The following ZMAT4 variants were observed in gnomAD, a reference collection of about 807,000 sequenced individuals.
ZMAT4 encodes zinc finger matrin-type 4.
In ZMAT4, 17 loss-of-function variants were observed where a neutral mutation model predicts 28.7. That is an observed-to-expected ratio of 0.59 (90% CI 0.41 to 0.89). The LOEUF (loss-of-function observed/expected upper bound fraction) is 0.89. ZMAT4 is among the 40% of genes least tolerant of loss of function. ZMAT4 has a pLI of 0.00. For synonymous variants in ZMAT4, 117 were observed against 109.2 expected (o/e 1.07, Z -0.44); for missense variants, 240 against 283.8 (o/e 0.85, Z 1.11).
At chr8:40,770,533 T>C in intron 2 of ZMAT4, among the ~76,000 whole-genome samples, 1 of 138,486 alleles carries the variant, frequency 7.2e-6, no homozygotes, top group African/African-American at 2.6e-5. Context: ...TTCCTCCCTT[T>C]CTTTCTTTCT....
chr8:40,703,891 T>C (rs1159284543), intron 3 of ZMAT4, among the ~76,000 whole-genome samples: 1 of 152,220 alleles, frequency 6.6e-6, no homozygotes, highest in Non-Finnish European at 1.5e-5. Context: ...TGAAACTCTT[T>C]CAGGAAGCGA....
At chr8:40,685,674 C>G (rs1189078569) in intron 4 of ZMAT4, among the ~76,000 whole-genome samples, 5 of 151,972 alleles carry the variant, frequency 3.3e-5, no homozygotes, top group Non-Finnish European at 7.4e-5. Flanking sequence ...ACCTGCTGCT[C>G]CAAGTGTGCA....
At chr8:40,853,153 A>G (rs1817171650) in intron 1 of ZMAT4, among the ~76,000 whole-genome samples, 1 of 152,166 alleles carries the variant, frequency 6.6e-6, no homozygotes, top group Non-Finnish European at 1.5e-5. Context: ...TGTTTTCCCC[A>G]AGACAATCTT....
Position 40,863,049 on chromosome 8 carries a change from C to T in ZMAT4, c.-5+34634G>A, listed in dbSNP as rs927720168. ...TTGGAAGCAGGTGATGCAGCCAGTG[C>T]AAAGAAAAATCCATTCTGGTGAAGC... is the stretch of plus-strand genomic sequence containing the variant. On this transcript the variant is annotated intron_variant, in intron 1 of 6. Transcript: ENST00000297737. 3.3e-5 allele frequency among the ~76,000 whole-genome samples: 5 copies of T among 152,044 alleles called. No homozygotes were observed. In the South Asian group the frequency reaches 8.3e-4, roughly 25 times the overall value.
chr8:40,660,558 C>T (rs980512833), intron 5 of ZMAT4, among the ~76,000 whole-genome samples: 1 of 152,150 alleles, frequency 6.6e-6, no homozygotes, highest in Admixed American at 6.5e-5. Flanking sequence ...ATGAAGAGCT[C>T]TTTCTCTAAG....
At chr8:40,643,022 G>A (rs910024587) in intron 5 of ZMAT4, among the ~76,000 whole-genome samples, 2 of 152,348 alleles carry the variant, frequency 1.3e-5, no homozygotes, top group African/African-American at 4.8e-5. Context: ...AACTGGAGAA[G>A]TTTTGGAATT....
intron 3 of ZMAT4, among the ~76,000 whole-genome samples, chr8:40,698,015 T>C (rs1809972877): frequency 6.6e-6 from 1 of 152,202 alleles, no homozygotes; most frequent in Non-Finnish European, 1.5e-5. Context: ...TTATCATTTG[T>C]TATTCCGCTC....
chr8:40,746,349 T>TCCTTC (rs1812231410), intron 3 of ZMAT4, among the ~76,000 whole-genome samples: 1 of 142,026 alleles, frequency 7.0e-6, no homozygotes, highest in East Asian at 2.0e-4. Flanking sequence ...TCCTTTCCTT[T>TCCTTC]CCTTCCCTTT....
At chr8:40,701,236 T>C (rs1272924258) in intron 3 of ZMAT4, among the ~76,000 whole-genome samples, 1 of 152,142 alleles carries the variant, frequency 6.6e-6, no homozygotes, top group Non-Finnish European at 1.5e-5. Context: ...ATAGAAAAAT[T>C]AAAAATAATA....
chr8:40,764,586 T>C (rs1209289975), intron 3 of ZMAT4, among the ~76,000 whole-genome samples: 1 of 152,136 alleles, frequency 6.6e-6, no homozygotes, highest in African/African-American at 2.4e-5. Context: ...AGGGCAGATG[T>C]GAATGCTCTT....
intron 1 of ZMAT4, among the ~76,000 whole-genome samples, chr8:40,853,810 G>A (rs1417957018): frequency 6.6e-6 from 1 of 152,168 alleles, no homozygotes; most frequent in Non-Finnish European, 1.5e-5. Context: ...CGTTAAGCAA[G>A]TAGTTTTGAC....
intron 2 of ZMAT4, among the ~76,000 whole-genome samples, chr8:40,806,096 G>T (rs1487331556): frequency 6.6e-6 from 1 of 152,012 alleles, no homozygotes; most frequent in South Asian, 2.1e-4. Context: ...GGTAAAATAC[G>T]TGCATTAAGA....
At chr8:40,743,971 G>C (rs1190556709) in intron 3 of ZMAT4, among the ~76,000 whole-genome samples, 2 of 152,194 alleles carry the variant, frequency 1.3e-5, no homozygotes, top group Admixed American at 1.3e-4. Context: ...ATTTCTGGAA[G>C]GGTGAACAGC....
chr8:40,554,628 G>C (rs1390100427), intron 6 of ZMAT4, among the ~76,000 whole-genome samples: 1 of 151,994 alleles, frequency 6.6e-6, no homozygotes, highest in Non-Finnish European at 1.5e-5. Flanking sequence ...ATCCGTATTG[G>C]TCTTTCATCA....
intron 2 of ZMAT4, among the ~76,000 whole-genome samples, chr8:40,769,680 C>A (rs1813310396): frequency 6.6e-6 from 1 of 152,096 alleles, no homozygotes; most frequent in South Asian, 2.1e-4. Context: ...CATAGAGGAA[C>A]TTCTTTTCAC....
At chr8:40,533,673 G>C (rs1480855991) in intron 6 of ZMAT4, among the ~76,000 whole-genome samples, 2 of 152,274 alleles carry the variant, frequency 1.3e-5, no homozygotes, top group South Asian at 2.1e-4. Context: ...AACATTGTTG[G>C]TATAATGTAG....
At chr8:40,787,377 C>T (rs904426424) in intron 2 of ZMAT4, among the ~76,000 whole-genome samples, 1 of 152,196 alleles carries the variant, frequency 6.6e-6, no homozygotes. Context: ...GCCTTTCCAT[C>T]TTAACTAAGC....
intron 2 of ZMAT4, among the ~76,000 whole-genome samples, chr8:40,821,461 T>C (rs528195573): frequency 1.3e-5 from 2 of 152,306 alleles, no homozygotes; most frequent in Non-Finnish European, 2.9e-5. Context: ...AAAATGCCTC[T>C]ATGTTCCCTA....
At chr8:40,717,177 T>C (rs1300791693) in intron 3 of ZMAT4, among the ~76,000 whole-genome samples, 1 of 152,204 alleles carries the variant, frequency 6.6e-6, no homozygotes, top group Non-Finnish European at 1.5e-5. Context: ...TTGCACACAA[T>C]GAAGGTCCTT....
Sources: gnomAD v4.1 joint callset for allele counts (sites outside exome capture counted in the v4.1 genomes callset) on GRCh38, gnomAD v4.1.1 for gene constraint, MANE v1.5 for transcripts, NCBI Gene and HGNC (gene_info 2026-07-23, HGNC 2026-07-21) for gene names.